Variants in KIAA1549L observed in about 807,000 individuals in gnomAD.
KIAA1549L encodes the protein UPF0606 protein KIAA1549L.
Under a neutral mutation model 160.7 loss-of-function variants are expected in KIAA1549L, and 88 were observed. That is an observed-to-expected ratio of 0.55 (90% CI 0.46 to 0.65). The LOEUF (loss-of-function observed/expected upper bound fraction) is 0.65. Ranked by LOEUF, KIAA1549L falls within the 30% of genes least tolerant of loss-of-function variation. The probability of loss-of-function intolerance (pLI) is 0.00; values close to 1 mark genes in which losing one functional copy is unlikely to be tolerated. For missense variants in KIAA1549L, 2,258 were observed against 2,437.5 expected (o/e 0.93, Z 1.55); for synonymous variants, 950 against 976.7 (o/e 0.97, Z 0.51).
intron 1 of KIAA1549L, among the ~76,000 whole-genome samples, chr11:33,397,449 G>T (rs571839200): frequency 6.6e-6 from 1 of 151,240 alleles, no homozygotes; most frequent in African/African-American, 2.4e-5. Context: ...GGTGGCTCAC[G>T]CCTGTAATCC....
chr11:33,514,756 A>AC (rs1233245569), intron 1 of KIAA1549L, among the ~76,000 whole-genome samples: 1 of 152,222 alleles, frequency 6.6e-6, no homozygotes, highest in Non-Finnish European at 1.5e-5. Flanking sequence ...GTAACTTGTG[A>AC]AAAGCAAATG....
At chr11:33,541,014 C>T (rs1272539077) in intron 1 of KIAA1549L, among the ~76,000 whole-genome samples, 1 of 152,206 alleles carries the variant, frequency 6.6e-6, no homozygotes, top group Non-Finnish European at 1.5e-5. Context: ...AGGAATTTTT[C>T]AGAATATTGC....
intron 17 of KIAA1549L, among the ~76,000 whole-genome samples, chr11:33,648,686 T>A (rs1482989685): frequency 2.6e-5 from 4 of 151,726 alleles, no homozygotes; most frequent in Non-Finnish European, 4.4e-5. Context: ...ATTTTACCCG[T>A]TAACTCTGTG....
rs373561646 is a variant in KIAA1549L, at chr11:33,457,321, T to C, written c.238+80432T>C. Reference sequence around the variant, plus strand: ...GCTGGCAGCTCAGTTTCTTAGCAAGTCCTGGGGATGTGGTCAAAGATAGGA... The same window carrying C: ...GCTGGCAGCTCAGTTTCTTAGCAAGCCCTGGGGATGTGGTCAAAGATAGGA... On this transcript the variant is annotated intron_variant, in intron 1 of 20. Coordinates refer to ENST00000658780, the MANE Select transcript of KIAA1549L (RefSeq NM_012194.3). 1.2e-3 allele frequency among the ~76,000 whole-genome samples: 181 copies of C among 152,272 alleles called. 1 individual carries two copies. Among genetic ancestry groups the C allele is most frequent in the African/African-American group, 4.3e-3 (180 of 41,560 alleles).
At chr11:33,482,785 G>A (rs564655390) in intron 1 of KIAA1549L, among the ~76,000 whole-genome samples, 62 of 151,828 alleles carry the variant, frequency 4.1e-4, no homozygotes, top group Non-Finnish European at 8.2e-4. Flanking sequence ...GGCCAGGCTG[G>A]TTTTGAACTC....
At chr11:33,392,217 C>T (rs1450445960) in intron 1 of KIAA1549L, among the ~76,000 whole-genome samples, 1 of 152,210 alleles carries the variant, frequency 6.6e-6, no homozygotes, top group African/African-American at 2.4e-5. Context: ...GCCCACCCAA[C>T]ATTTTATGAA....
intron 13 of KIAA1549L, chr11:33,599,201 C>T (rs1850290013): frequency 3.8e-6 from 1 of 260,382 alleles, no homozygotes; most frequent in African/African-American, 2.2e-5. Flanking sequence ...TTAGGAAAAA[C>T]CTTTTGCGGA....
chr11:33,381,921 G>C (rs1425690422), intron 1 of KIAA1549L, among the ~76,000 whole-genome samples: 1 of 152,192 alleles, frequency 6.6e-6, no homozygotes, highest in Admixed American at 6.5e-5. Flanking sequence ...AGATGAAGTT[G>C]CCATTAATTG....
At chr11:33,442,276 C>T (rs1395178057) in intron 1 of KIAA1549L, among the ~76,000 whole-genome samples, 1 of 152,104 alleles carries the variant, frequency 6.6e-6, no homozygotes, top group African/African-American at 2.4e-5. Context: ...TTCCATTGAT[C>T]TATATCTCTG....
At chr11:33,590,450 C>T (rs965147057) in intron 11 of KIAA1549L, among the ~76,000 whole-genome samples, 11 of 152,136 alleles carry the variant, frequency 7.2e-5, no homozygotes, top group African/African-American at 2.4e-4. Flanking sequence ...TTTAAATATG[C>T]GTCTTGGTTT....
rs570956510 is a variant in KIAA1549L at position 33,611,263 on chromosome 11, C to T, written c.5279+1297C>T. Among the ~76,000 whole-genome samples the T allele has an allele frequency of 7.2e-4, 109 of 152,224 alleles. 1 individual carries two copies. The Middle Eastern group carries it at 0.014, about 19-fold the overall frequency. ...TCTGGCCTTGAGCATGCTCCCACCC[C>T]GACATGCCACAGAGCCATGACAGAC... On this transcript the variant is annotated intron_variant, in intron 15 of 20. Coordinates refer to ENST00000658780, the MANE Select transcript of KIAA1549L (RefSeq NM_012194.3).
chr11:33,484,558 A>G (rs1160300974), intron 1 of KIAA1549L, among the ~76,000 whole-genome samples: 3 of 152,246 alleles, frequency 2.0e-5, no homozygotes, highest in African/African-American at 7.2e-5. Context: ...CATAATGGGA[A>G]TTGTGACCAC....
At chr11:33,435,818 G>GTGTATATATATA (rs1554976830) in intron 1 of KIAA1549L, among the ~76,000 whole-genome samples, 3 of 45,308 alleles carry the variant, frequency 6.6e-5, no homozygotes, top group Non-Finnish European at 1.3e-4. Flanking sequence ...ATATGTGTGT[G>GTGTATATATATA]TATATATATA....
chr11:33,628,686 C>T (rs374951146), intron 16 of KIAA1549L, among the ~76,000 whole-genome samples: 29 of 146,656 alleles, frequency 2.0e-4, no homozygotes, highest in Non-Finnish European at 2.9e-4. Flanking sequence ...TGTCTCTGCA[C>T]GTGAGATGGG....
At chr11:33,404,022 C>T (rs890834756) in intron 1 of KIAA1549L, among the ~76,000 whole-genome samples, 1 of 152,096 alleles carries the variant, frequency 6.6e-6, no homozygotes, top group Non-Finnish European at 1.5e-5. Flanking sequence ...GGTTCATGCA[C>T]CCATAGAAAT....
chr11:33,646,035 C>T lies in KIAA1549L; in HGVS notation c.5759C>T (p.Pro1920Leu), dbSNP rs1322100986. ...ATGTATCAGTACAGTCTGCCCCGGC[C>T]GGTAAGTCATTCATTCCACCCACCT... ...PEMYQYSLPR[P>L]AYRFSQLPEM... The change falls in exon 17 of 21, where the codon CCG (proline) becomes CTG (leucine). Residue 1920 changes from proline to leucine, a missense_variant and splice_region_variant. By Grantham distance (98) the Pro-to-Leu change is moderately conservative. Transcript: ENST00000658780. 83 of 1,552,446 alleles carry T rather than the reference C, an allele frequency of 5.3e-5. No homozygotes were observed. In the Middle Eastern group the frequency reaches 7.8e-4, roughly 15 times the overall value.
chr11:33,595,832 G>A (rs958314545), intron 12 of KIAA1549L, among the ~76,000 whole-genome samples: 7 of 152,148 alleles, frequency 4.6e-5, no homozygotes, highest in African/African-American at 1.7e-4. Flanking sequence ...GAAACCGGTG[G>A]TTTGATGGTT....
At chr11:33,486,430 C>T (rs1852528381) in intron 1 of KIAA1549L, among the ~76,000 whole-genome samples, 1 of 152,136 alleles carries the variant, frequency 6.6e-6, no homozygotes, top group South Asian at 2.1e-4. Context: ...TGGTTTAAGA[C>T]ATTTGTATGT....
intron 17 of KIAA1549L, among the ~76,000 whole-genome samples, chr11:33,654,270 C>A (rs1035702019): frequency 1.3e-5 from 2 of 152,240 alleles, no homozygotes; most frequent in Admixed American, 1.3e-4. Flanking sequence ...CCACACCCAG[C>A]CTGGTCAACT....
Sources: gnomAD v4.1 joint callset for allele counts (sites outside exome capture counted in the v4.1 genomes callset) on GRCh38, gnomAD v4.1.1 for gene constraint, MANE v1.5 for transcripts, NCBI Gene and HGNC (gene_info 2026-07-23, HGNC 2026-07-21) for gene names.